LAMA2: variants seen among roughly 807,000 people sequenced by gnomAD.
The protein encoded by LAMA2 is laminin subunit alpha-2.
LAMA2 carries 269 observed loss-of-function variants against 364.8 expected under a neutral mutation model. That is an observed-to-expected ratio of 0.74 (90% CI 0.67 to 0.82). LAMA2 has a LOEUF of 0.82. Among genes scored for constraint, LAMA2 ranks in the 40% least tolerant of loss-of-function variants. The pLI, the probability that LAMA2 is intolerant of heterozygous loss-of-function variation, is 0.00. For missense variants in LAMA2, 3,807 were observed against 3,873.2 expected (o/e 0.98, Z 0.45); for synonymous variants, 1,379 against 1,370.6 (o/e 1.01, Z -0.14).
intron 1 of LAMA2, among the ~76,000 whole-genome samples, chr6:128,963,929 TTTAAACC>T (rs1380015572): frequency 1.3e-5 from 2 of 152,146 alleles, no homozygotes; most frequent in African/African-American, 4.8e-5. Flanking sequence ...TCGAGGTTAA[TTTAAACC>T]AACATGTAAA....
At chr6:129,219,904 G>A (rs972537181) in intron 12 of LAMA2, among the ~76,000 whole-genome samples, 12 of 151,064 alleles carry the variant, frequency 7.9e-5, no homozygotes, top group African/African-American at 2.0e-4. Context: ...CACCAGCATG[G>A]CACATGTATA....
Position 129,189,977 on chromosome 6 carries a change from C to T in LAMA2, c.1468-228C>T, listed in dbSNP as rs375144772. Among the ~76,000 whole-genome samples, 27 of 152,202 alleles carry T rather than the reference C, an allele frequency of 1.8e-4. 1 individual carries two copies. The South Asian group carries it at 5.0e-3, about 28-fold the overall frequency. On this transcript the variant is annotated intron_variant, in intron 10 of 64. Transcript: ENST00000421865. The stretch of plus-strand genomic sequence containing the variant: ...ATGAAGATCAACATAGTCACTTTTA[C>T]GAGAGTAGATTTGCATCCATCCAAT...
At chr6:129,436,543 A>G (rs1254270962) in intron 41 of LAMA2, among the ~76,000 whole-genome samples, 1 of 152,092 alleles carries the variant, frequency 6.6e-6, no homozygotes, top group Non-Finnish European at 1.5e-5. Context: ...AGTATCCCCA[A>G]AGATAAATCT....
chr6:129,178,891 G>A (rs1276896576), intron 10 of LAMA2, among the ~76,000 whole-genome samples: 1 of 151,916 alleles, frequency 6.6e-6, no homozygotes, highest in Non-Finnish European at 1.5e-5. Context: ...AATAATAATA[G>A]TTACATAATA....
intron 1 of LAMA2, among the ~76,000 whole-genome samples, chr6:128,968,046 C>T (rs1392631407): frequency 1.3e-5 from 2 of 152,170 alleles, no homozygotes. Context: ...TAGATTCCTT[C>T]TACAGATCAA....
intron 1 of LAMA2, among the ~76,000 whole-genome samples, chr6:128,975,491 A>G (rs1405620119): frequency 6.6e-6 from 1 of 152,174 alleles, no homozygotes; most frequent in African/African-American, 2.4e-5. Context: ...CTTGGAATAT[A>G]AAGTGTGGGG....
intron 23 of LAMA2, among the ~76,000 whole-genome samples, chr6:129,314,126 C>T (rs1000268252): frequency 9.2e-5 from 14 of 152,202 alleles, no homozygotes; most frequent in Non-Finnish European, 1.5e-4. Context: ...ACAGGCCGGG[C>T]GTGGTGGCTC....
rs750488831 is a variant in LAMA2 at position 129,441,006 on chromosome 6, C to T, written c.6268+8C>T. 1.9e-6 allele frequency: 3 copies of T among 1,608,784 alleles called. No individual in the cohort carries two copies. The highest frequency in any genetic ancestry group is 3.3e-5 in the Admixed American group (2 of 59,962). On this transcript the variant is annotated splice_region_variant and intron_variant, in intron 43 of 64. Transcript: ENST00000421865. ...AAGATCCTTCCAAGAACAGTAAGAT[C>T]TCCTTTTTCATTGTGATGATGTCAT...
At chr6:129,025,834 T>C (rs563083205) in intron 1 of LAMA2, among the ~76,000 whole-genome samples, 1 of 152,200 alleles carries the variant, frequency 6.6e-6, no homozygotes, top group East Asian at 1.9e-4. Context: ...TATAGTGATT[T>C]CTTTTTGGTG....
At chr6:129,482,364 C>G (rs757946319) in intron 55 of LAMA2, among the ~76,000 whole-genome samples, 4 of 152,176 alleles carry the variant, frequency 2.6e-5, no homozygotes, top group Non-Finnish European at 5.9e-5. Context: ...AATCCCTCAA[C>G]TGCCCAGATT....
chr6:129,018,545 A>T (rs1203721937), intron 1 of LAMA2, among the ~76,000 whole-genome samples: 2 of 151,874 alleles, frequency 1.3e-5, no homozygotes, highest in Non-Finnish European at 2.9e-5. Context: ...AAAAAAAAAA[A>T]AAAGCGAAGT....
chr6:129,313,274 A>G (rs1774347088), intron 23 of LAMA2, among the ~76,000 whole-genome samples, 177 bp downstream of exon 23: 1 of 152,022 alleles, frequency 6.6e-6, no homozygotes, highest in African/African-American at 2.4e-5. Flanking sequence ...GCATACCGAT[A>G]AACACTGCTT....
intron 12 of LAMA2, among the ~76,000 whole-genome samples, chr6:129,240,748 A>G (rs1273777592): frequency 6.6e-6 from 1 of 152,200 alleles, no homozygotes; most frequent in Non-Finnish European, 1.5e-5. Flanking sequence ...TATATATCAT[A>G]ACAAATTGAA....
intron 8 of LAMA2, among the ~76,000 whole-genome samples, chr6:129,161,202 G>C (rs1418195589): frequency 2.6e-5 from 4 of 151,556 alleles, no homozygotes; most frequent in African/African-American, 9.7e-5. Context: ...TATTAACATT[G>C]CCACAGCAGT....
At chr6:129,079,792 G>T (rs1453670590) in intron 3 of LAMA2, among the ~76,000 whole-genome samples, 4 of 152,004 alleles carry the variant, frequency 2.6e-5, no homozygotes, top group Non-Finnish European at 2.9e-5. Context: ...GGACAATTTT[G>T]CTTAGCTTGT....
Position 129,402,354 on chromosome 6 carries a change from C to T in LAMA2, c.5593C>T (p.Pro1865Ser), listed in dbSNP as rs563638833. Residue 1865 changes from proline to serine, a missense_variant, in exon 39 of 65, where the codon CCT becomes TCT. By Grantham distance (74) the Pro-to-Ser change is moderately conservative. Transcript: ENST00000421865. The stretch of plus-strand genomic sequence containing the variant: ...TGAAGACATCCAAACTAAATTGCCA[C>T]CTATGTCTGAGGAGCTTAATGATAA... The part of the protein sequence containing the change: ...YVEDIQTKLP[P>S]MSEELNDKID... The T allele has an allele frequency of 6.8e-6, 11 of 1,613,992 alleles. No individual in the cohort carries two copies. In the South Asian group the frequency reaches 9.9e-5, roughly 14 times the overall value.
At chr6:128,912,812 A>T (rs934227768) in intron 1 of LAMA2, among the ~76,000 whole-genome samples, 7 of 152,228 alleles carry the variant, frequency 4.6e-5, no homozygotes, top group Admixed American at 3.3e-4. Flanking sequence ...AAGTAGAAAC[A>T]TTTCCATCTA....
chr6:129,332,883 ATTTTTTTTT>A (rs10590805), intron 29 of LAMA2, among the ~76,000 whole-genome samples: 1 of 104,388 alleles, frequency 9.6e-6, no homozygotes. Context: ...TAAGTTTACC[ATTTTTTTTT>A]TTTTTTTTTT....
intron 42 of LAMA2, among the ~76,000 whole-genome samples, chr6:129,440,576 G>A (rs1037086650): frequency 3.9e-5 from 6 of 152,038 alleles, no homozygotes; most frequent in African/African-American, 1.2e-4. Context: ...TGAACATTTA[G>A]AATAGTCACG....
Sources: allele counts gnomAD v4.1 joint callset (sites outside exome capture counted in the v4.1 genomes callset), GRCh38; gene constraint gnomAD v4.1.1; transcripts MANE v1.5; gene names NCBI Gene and HGNC (gene_info 2026-07-23, HGNC 2026-07-21).